ITPRID2: variants seen among roughly 807,000 people sequenced by gnomAD.
ITPRID2 encodes protein ITPRID2.
Under a neutral mutation model 124.3 loss-of-function variants are expected in ITPRID2, and 60 were observed. The observed-to-expected ratio is 0.48, with a 90% CI of 0.39 to 0.60. The LOEUF (loss-of-function observed/expected upper bound fraction) is 0.60. Among genes scored for constraint, ITPRID2 ranks in the 20% least tolerant of loss-of-function variants. The pLI is 0.00. For synonymous variants in ITPRID2, 521 were observed against 542.9 expected, an observed-to-expected ratio of 0.96 and a Z score of 0.56; for missense variants, 1,553 against 1,512.2, an observed-to-expected ratio of 1.03 and a Z score of -0.45.
At chr2:181,913,113 G>A (rs112482320) in intron 9 of ITPRID2, among the ~76,000 whole-genome samples, 81 of 151,746 alleles carry the variant, frequency 5.3e-4, no homozygotes, top group African/African-American at 1.9e-3. Flanking sequence ...TGTCGCCCAG[G>A]CTGGAGTGCA....
chr2:181,893,357 T>C (rs1404158356), intron 2 of ITPRID2: 1 of 152,262 alleles, frequency 6.6e-6, no homozygotes, highest in East Asian at 1.9e-4. Context: ...ACTTTGCTAG[T>C]TGTAAAATCA....
intron 8 of ITPRID2, among the ~76,000 whole-genome samples, chr2:181,906,415 G>A (rs775523765): frequency 4.6e-5 from 7 of 152,100 alleles, no homozygotes; most frequent in Non-Finnish European, 7.4e-5. Flanking sequence ...GACCTATGAG[G>A]TAGAAATTTT....
intron 8 of ITPRID2, among the ~76,000 whole-genome samples, chr2:181,906,863 G>A (rs888248170): frequency 6.6e-6 from 1 of 152,172 alleles, no homozygotes; most frequent in Non-Finnish European, 1.5e-5. Context: ...TATACAACTT[G>A]GTGAAGGTCA....
intron 8 of ITPRID2, among the ~76,000 whole-genome samples, chr2:181,906,443 T>G (rs763210644): frequency 6.6e-6 from 1 of 152,194 alleles, no homozygotes; most frequent in African/African-American, 2.4e-5. Flanking sequence ...ATTTTGCTGT[T>G]AATTTTAATT....
intron 7 of ITPRID2, 53 bp downstream of exon 7, chr2:181,900,957 G>A (rs1692618637): frequency 3.7e-6 from 5 of 1,363,596 alleles, no homozygotes; most frequent in East Asian, 2.4e-5. Context: ...AGCATCTACA[G>A]CAAGATGGTC....
Position 181,916,400 on chromosome 2 carries a change from T to C in ITPRID2, c.2760T>C (p.Ile920=), listed in dbSNP as rs975156764. The change falls in exon 11 of 18, where the codon ATT becomes ATC. Residue 920 remains isoleucine, a synonymous_variant. Transcript: ENST00000431877. ...EMQLRRVLHD[I]RNSLQNLSQY... is the part of the protein sequence containing the mutation. ...AGTTGCGAAGAGTATTACATGATAT[T>C]AGAAACTCACTGCAGAATCTTTCAC... The C allele has an allele frequency of 1.2e-6, 2 of 1,613,756 alleles. No individual in the cohort carries two copies. Among genetic ancestry groups the C allele is most frequent in the South Asian group, 1.1e-5 (1 of 91,072 alleles).
intron 8 of ITPRID2, among the ~76,000 whole-genome samples, chr2:181,904,791 G>T (rs965768833): frequency 6.6e-6 from 1 of 152,222 alleles, no homozygotes; most frequent in African/African-American, 2.4e-5. Flanking sequence ...AAATGTTGCA[G>T]ATATGTTGAC....
In ITPRID2 at chr2:181,916,442, A is replaced by G. The variant is rs200142839; in HGVS notation, c.2787+15A>G. 5 of 1,604,024 alleles carry G rather than the reference A, an allele frequency of 3.1e-6. No homozygotes were observed. The highest frequency in any genetic ancestry group is 4.3e-6 in the Non-Finnish European group (5 of 1,174,604). On this transcript the variant is annotated intron_variant, in intron 11 of 17. Coordinates refer to ENST00000431877, the MANE Select transcript of ITPRID2 (RefSeq NM_001130445.3). Reference sequence around the variant, plus strand: ...ATCTTTCACAGGTATGAGAAAAAGTATGTTATCATTAGCTTTTTTCTTTTA... The same window carrying G: ...ATCTTTCACAGGTATGAGAAAAAGTGTGTTATCATTAGCTTTTTTCTTTTA...
intron 6 of ITPRID2, among the ~76,000 whole-genome samples, chr2:181,899,735 T>C (rs2125067243): frequency 6.6e-6 from 1 of 152,190 alleles, no homozygotes; most frequent in South Asian, 2.1e-4. Flanking sequence ...TCACAACCAC[T>C]TGGAAGGCTG....
intron 10 of ITPRID2, among the ~76,000 whole-genome samples, chr2:181,914,198 A>G (rs983947857): frequency 2.6e-5 from 4 of 151,994 alleles, no homozygotes; most frequent in African/African-American, 9.7e-5. Context: ...GTGATCATTA[A>G]CCTGTTTTGT....
chr2:181,896,962 A>G lies in ITPRID2; in HGVS notation c.362A>G (p.Glu121Gly). The G allele has an allele frequency of 6.2e-7, 1 of 1,611,932 alleles. No individual in the cohort carries two copies. The change falls in exon 4 of 18, where the codon GAA (glutamate) becomes GGA (glycine). Residue 121 changes from glutamate to glycine, a missense_variant and splice_region_variant. By Grantham distance (98) the Glu-to-Gly change is moderately conservative. Coordinates refer to ENST00000431877, the MANE Select transcript of ITPRID2 (RefSeq NM_001130445.3). The surrounding 1 kb of genome is among the most constrained non-coding windows in gnomAD (Gnocchi z 4.3). ...GAAGATGATTTGTCATTGGGAGCTG[A>G]AGGTATGTTTGTTTGGAAGAACTGT... is the stretch of plus-strand genomic sequence containing the variant. ...SFEDDLSLGA[E>G]ANHLHESDAQ...
chr2:181,908,545 A>C (rs1020192823), intron 8 of ITPRID2, among the ~76,000 whole-genome samples: 1 of 152,200 alleles, frequency 6.6e-6, no homozygotes, highest in African/African-American at 2.4e-5. Context: ...GAATTATTCT[A>C]ATTTTAACAA....
Position 181,902,233 on chromosome 2 carries a change from G to A in ITPRID2, c.1180G>A (p.Glu394Lys). ...NSNFNQGTEN[E>K]QSKETQSHES... ...TAATTTTAACCAAGGAACTGAAAAT[G>A]AACAAAGTAAAGAAACTCAAAGTCA... Residue 394 changes from glutamate to lysine, a missense_variant, in exon 8 of 18, where the codon GAA (glutamate) becomes AAA (lysine). Coordinates refer to ENST00000431877, the MANE Select transcript of ITPRID2 (RefSeq NM_001130445.3). This position sits in a 1 kb window ranked among gnomAD's most constrained non-coding sequence, Gnocchi z 4.4. The A allele has an allele frequency of 6.2e-7, 1 of 1,613,074 alleles. No homozygotes were observed. The highest frequency in any genetic ancestry group is 8.5e-7 in the Non-Finnish European group (1 of 1,179,422).
chr2:181,911,890 T>C (rs1264628047), intron 9 of ITPRID2, among the ~76,000 whole-genome samples: 2 of 152,200 alleles, frequency 1.3e-5, no homozygotes, highest in African/African-American at 4.8e-5. Flanking sequence ...CAGGCCTCCT[T>C]GTTTTACCCA....
intron 16 of ITPRID2, among the ~76,000 whole-genome samples, chr2:181,922,638 C>G (rs1289282437): frequency 6.6e-6 from 1 of 152,200 alleles, no homozygotes; most frequent in East Asian, 1.9e-4. Context: ...TTACAATTCT[C>G]TGTGTTCAGT....
At position 181,920,588 on chromosome 2, in the gene ITPRID2, C is replaced by T; in HGVS notation, c.3145-9C>T. On this transcript the variant is annotated splice_polypyrimidine_tract_variant and intron_variant, in intron 14 of 17. Coordinates refer to ENST00000431877, the MANE Select transcript of ITPRID2 (RefSeq NM_001130445.3). ...CATATACATATATATATTGTTCTTACCTTTTCAGGGAATGTGTGGCAGTAG... is the reference window on the plus strand; with the variant it reads ...CATATACATATATATATTGTTCTTATCTTTTCAGGGAATGTGTGGCAGTAG... 6.2e-7 allele frequency: 1 copy of T among 1,608,798 alleles called. No individual in the cohort carries two copies.
intron 11 of ITPRID2, chr2:181,918,311 G>GTT (rs1023334623): frequency 5.2e-6 from 6 of 1,145,668 alleles, no homozygotes; most frequent in South Asian, 3.5e-5. Context: ...TTTTGATTTT[G>GTT]TTTTTTTTTA....
chr2:181,894,327 T>C (rs1692010397), intron 2 of ITPRID2: 1 of 152,180 alleles, frequency 6.6e-6, no homozygotes, highest in African/African-American at 2.4e-5. Context: ...AGAAGTTTTG[T>C]TGCCAATACT....
chr2:181,895,441 T>A lies in ITPRID2; in HGVS notation c.258-589T>A, dbSNP rs1253788683. Among the ~76,000 whole-genome samples, 6 of 151,982 alleles carry A rather than the reference T, an allele frequency of 3.9e-5. No individual in the cohort carries two copies. In the South Asian group the frequency reaches 1.0e-3, roughly 26 times the overall value. On this transcript the variant is annotated intron_variant, in intron 2 of 17. Coordinates refer to ENST00000431877, the MANE Select transcript of ITPRID2 (RefSeq NM_001130445.3). ...AAAGTTAAATGAAGAATATATATAT[T>A]TTTTAGCTTAAAAACAAAGCGAATC...
Sources: allele counts gnomAD v4.1 joint callset (sites outside exome capture counted in the v4.1 genomes callset), GRCh38; gene constraint gnomAD v4.1.1; non-coding constraint Gnocchi (gnomAD v3.1); transcripts MANE v1.5; gene names NCBI Gene and HGNC (gene_info 2026-07-23, HGNC 2026-07-21).